DISP1: variants seen among roughly 807,000 people sequenced by gnomAD.
DISP1 encodes the protein dispatched RND transporter family member 1.
Under a neutral mutation model 37.3 loss-of-function variants are expected in DISP1, and 30 were observed. The observed-to-expected ratio is 0.80, with a 90% confidence interval of 0.60 to 1.09. The LOEUF (loss-of-function observed/expected upper bound fraction) is 1.09. Among genes scored for constraint, DISP1 ranks in the 50% least tolerant of loss-of-function variants. The pLI is 0.00. For synonymous variants in DISP1, 634 were observed against 690.2 expected, an observed-to-expected ratio of 0.92 and a Z score of 1.28; for missense variants, 1,598 against 1,879.5, an observed-to-expected ratio of 0.85 and a Z score of 2.77.
At chr1:222,983,871 T>TA (rs919807218) in intron 4 of DISP1, among the ~76,000 whole-genome samples, 5 of 152,042 alleles carry the variant, frequency 3.3e-5, no homozygotes, top group African/African-American at 4.8e-5. Flanking sequence ...TAAGAGTTCC[T>TA]AAAAAAAGCG....
rs776151713 is a variant in DISP1 at position 223,004,328 on chromosome 1, G to C, written c.2931G>C (p.Gln977His). Residue 977 changes from glutamine (Q) to histidine (H), a missense_variant, in exon 9 of 9, where the codon CAG (glutamine) becomes CAC (histidine). Transcript: ENST00000675850. The surrounding 1 kb of genome is among the most constrained non-coding windows in gnomAD (Gnocchi z 4.9). ...GCAATCTGGAGTTCTATGACCTCCA[G>C]GATAGCCTCTCCGATGGCACCCTCA... ...FVSNLEFYDL[Q>H]DSLSDGTLIA... 1 of 1,614,076 alleles carries C rather than the reference G, an allele frequency of 6.2e-7. No homozygotes were observed. Among genetic ancestry groups the C allele is most frequent in the Admixed American group, 1.7e-5 (1 of 60,008 alleles).
At chr1:222,904,860 CT>C (rs1254813431) in intron 1 of DISP1, among the ~76,000 whole-genome samples, 6 of 152,150 alleles carry the variant, frequency 3.9e-5, no homozygotes, top group Admixed American at 2.6e-4. Flanking sequence ...GCCACTGCCC[CT>C]GGCCTCATAT....
chr1:222,926,479 T>A (rs1275342284), intron 1 of DISP1, among the ~76,000 whole-genome samples: 1 of 152,210 alleles, frequency 6.6e-6, no homozygotes, highest in Non-Finnish European at 1.5e-5. Flanking sequence ...CTGCAAACAC[T>A]GAATTAGTGA....
At chr1:222,874,574 G>A (rs940773267) in intron 1 of DISP1, among the ~76,000 whole-genome samples, 6 of 151,880 alleles carry the variant, frequency 4.0e-5, no homozygotes, top group African/African-American at 1.2e-4. Flanking sequence ...TTGTGCATTC[G>A]TCATGTAGTT....
At chr1:222,965,245 C>G (rs1345258292) in intron 3 of DISP1, among the ~76,000 whole-genome samples, 1 of 152,162 alleles carries the variant, frequency 6.6e-6, no homozygotes, top group Non-Finnish European at 1.5e-5. Context: ...CTTAGTTCTC[C>G]ATCGGTAAAA....
At chr1:222,951,515 A>G (rs1290141463) in intron 3 of DISP1, among the ~76,000 whole-genome samples, 5 of 152,258 alleles carry the variant, frequency 3.3e-5, no homozygotes, top group African/African-American at 1.2e-4. Flanking sequence ...TTTGTTAGTC[A>G]GAAAATTTGA....
At chr1:222,945,546 G>T (rs138237756) in intron 3 of DISP1, among the ~76,000 whole-genome samples, 2 of 152,176 alleles carry the variant, frequency 1.3e-5, no homozygotes, top group African/African-American at 4.8e-5. Flanking sequence ...ATGGAAGGTT[G>T]TGCCAAGATT....
intron 8 of DISP1, among the ~76,000 whole-genome samples, chr1:222,997,050 CTATA>C (rs72145593): frequency 2.7e-5 from 4 of 148,440 alleles, no homozygotes; most frequent in Admixed American, 1.3e-4. Context: ...CTCTCTCTCT[CTATA>C]TATATATATA....
chr1:222,981,561 C>A (rs979755731), intron 3 of DISP1, among the ~76,000 whole-genome samples: 1 of 152,026 alleles, frequency 6.6e-6, no homozygotes, highest in Non-Finnish European at 1.5e-5. Flanking sequence ...AGTTGGGAAC[C>A]CTGTTTGTCT....
chr1:222,997,637 A>G (rs1240593734), intron 8 of DISP1, among the ~76,000 whole-genome samples: 1 of 152,222 alleles, frequency 6.6e-6, no homozygotes, highest in Non-Finnish European at 1.5e-5. Flanking sequence ...TAGATTATCT[A>G]AAGGAATAGA....
intron 1 of DISP1, among the ~76,000 whole-genome samples, chr1:222,923,342 C>G (rs1339650417): frequency 6.6e-6 from 1 of 152,140 alleles, no homozygotes; most frequent in Non-Finnish European, 1.5e-5. Flanking sequence ...CTCTTGAGCA[C>G]TTGAAATGTG....
chr1:222,936,810 A>ATGATATAT (rs1558339919), intron 2 of DISP1, among the ~76,000 whole-genome samples: 1 of 42,458 alleles, frequency 2.4e-5, no homozygotes, highest in African/African-American at 8.0e-5. Context: ...TTATATATAT[A>ATGATATAT]AATTATATAT....
intron 3 of DISP1, among the ~76,000 whole-genome samples, chr1:222,970,946 T>C (rs1572658538): frequency 6.6e-6 from 1 of 152,158 alleles, no homozygotes; most frequent in Non-Finnish European, 1.5e-5. Flanking sequence ...CAGTTTGAGG[T>C]CATGCAGCCC....
chr1:222,856,456 C>T (rs1668549841), intron 1 of DISP1, among the ~76,000 whole-genome samples: 1 of 152,128 alleles, frequency 6.6e-6, no homozygotes, highest in African/African-American at 2.4e-5. Context: ...TCCACACTGA[C>T]ACAACTAGAC....
intron 4 of DISP1, among the ~76,000 whole-genome samples, chr1:222,986,070 T>C (rs1678253257): frequency 6.6e-6 from 1 of 151,996 alleles, no homozygotes; most frequent in Non-Finnish European, 1.5e-5. Flanking sequence ...TAGCTAACAG[T>C]GTTAAATTCT....
chr1:222,939,797 C>G (rs1436495230), intron 2 of DISP1, among the ~76,000 whole-genome samples: 1 of 149,938 alleles, frequency 6.7e-6, no homozygotes, highest in Non-Finnish European at 1.5e-5. Flanking sequence ...TACACCACTT[C>G]ACTACACCCT....
intron 3 of DISP1, among the ~76,000 whole-genome samples, chr1:222,975,336 C>T (rs1677237394): frequency 6.6e-6 from 1 of 152,114 alleles, no homozygotes; most frequent in Non-Finnish European, 1.5e-5. Context: ...GAGACTGTCC[C>T]TTTGTAAGTT....
intron 1 of DISP1, among the ~76,000 whole-genome samples, chr1:222,916,272 A>G (rs1319722788): frequency 6.6e-6 from 1 of 152,188 alleles, no homozygotes; most frequent in African/African-American, 2.4e-5. Flanking sequence ...GTCGCTTGAT[A>G]TGAGCATTGG....
intron 1 of DISP1, among the ~76,000 whole-genome samples, chr1:222,844,470 G>A (rs529162668): frequency 6.6e-6 from 1 of 152,162 alleles, no homozygotes; most frequent in South Asian, 2.1e-4. Flanking sequence ...TTATATAATG[G>A]ATAGCCGATC....
Sources: gnomAD v4.1 joint callset for allele counts (sites outside exome capture counted in the v4.1 genomes callset) on GRCh38, gnomAD v4.1.1 for gene constraint, Gnocchi (gnomAD v3.1) non-coding constraint, MANE v1.5 for transcripts, NCBI Gene and HGNC (gene_info 2026-07-23, HGNC 2026-07-21) for gene names.